The following PTPRG variants were observed in gnomAD, a reference collection of about 807,000 sequenced individuals.
PTPRG encodes the protein protein tyrosine phosphatase receptor type G, also known as receptor-type tyrosine-protein phosphatase gamma.
PTPRG carries 102 observed loss-of-function variants against 165.3 expected under a neutral mutation model. That is an observed-to-expected ratio of 0.62 (90% CI 0.53 to 0.73). PTPRG has a LOEUF of 0.73. PTPRG is among the 30% of genes least tolerant of loss of function. The pLI is 0.00. For missense variants in PTPRG, 1,866 were observed against 1,861.4 expected, an observed-to-expected ratio of 1.00 and a Z score of -0.05; for synonymous variants, 675 against 669.5, an observed-to-expected ratio of 1.01 and a Z score of -0.13.
chr3:61,868,474 A>G (rs566787085), intron 2 of PTPRG, among the ~76,000 whole-genome samples: 115 of 152,264 alleles, frequency 7.6e-4, no homozygotes, highest in Admixed American at 3.4e-3. Context: ...CACTGCGTCC[A>G]ACCTGCCTTG....
intron 15 of PTPRG, among the ~76,000 whole-genome samples, chr3:62,253,819 A>G (rs1263926248): frequency 1.3e-5 from 2 of 152,208 alleles, no homozygotes; most frequent in African/African-American, 4.8e-5. Flanking sequence ...TATTAACATG[A>G]TTAGGACTTT....
At chr3:61,930,374 A>C (rs1367376070) in intron 2 of PTPRG, among the ~76,000 whole-genome samples, 1 of 152,184 alleles carries the variant, frequency 6.6e-6, no homozygotes, top group East Asian at 1.9e-4. Context: ...TCCACGTGGA[A>C]GAATGTCAGT....
At chr3:62,115,684 C>G (rs1020135928) in intron 5 of PTPRG, among the ~76,000 whole-genome samples, 21 of 150,616 alleles carry the variant, frequency 1.4e-4, no homozygotes, top group Non-Finnish European at 3.1e-4. Flanking sequence ...GTCATCCAGG[C>G]TGGAGTACAG....
intron 2 of PTPRG, among the ~76,000 whole-genome samples, chr3:61,955,453 G>T (rs556576278): frequency 3.4e-4 from 51 of 152,180 alleles, no homozygotes; most frequent in East Asian, 2.5e-3. Context: ...ATCTCATTTT[G>T]GACTTAGCGA....
At chr3:61,915,667 T>C (rs1032495322) in intron 2 of PTPRG, among the ~76,000 whole-genome samples, 1 of 151,860 alleles carries the variant, frequency 6.6e-6, no homozygotes, top group African/African-American at 2.4e-5. Flanking sequence ...TTTTTCTTTC[T>C]TTCTTCTTTC....
intron 5 of PTPRG, among the ~76,000 whole-genome samples, chr3:62,103,677 A>G (rs527794484): frequency 9.2e-5 from 14 of 152,318 alleles, no homozygotes; most frequent in South Asian, 4.1e-4. Context: ...CAGCAAGCCC[A>G]GGCCAGGTGG....
chr3:62,153,230 T>C lies in PTPRG; in HGVS notation c.683-3837T>C, dbSNP rs956106176. On this transcript the variant is annotated intron_variant, in intron 6 of 29. Transcript: ENST00000474889. ...CCAAAATGAGCCAGCCTGTACCTCA[T>C]CTGGGCTTGTGGTCAGCCACATGCT... Among the ~76,000 whole-genome samples, 7 of 152,232 alleles carry C rather than the reference T, an allele frequency of 4.6e-5. No individual in the cohort carries two copies. The South Asian group carries it at 1.4e-3, about 31-fold the overall frequency.
intron 1 of PTPRG, among the ~76,000 whole-genome samples, chr3:61,650,141 A>G (rs1575563356): frequency 6.6e-6 from 1 of 152,202 alleles, no homozygotes; most frequent in South Asian, 2.1e-4. Context: ...TTTCCCCTGT[A>G]CAAATGCAGT....
chr3:61,738,861 G>T (rs1236386122), intron 1 of PTPRG, among the ~76,000 whole-genome samples: 2 of 151,816 alleles, frequency 1.3e-5, no homozygotes, highest in East Asian at 3.9e-4. Context: ...GGCAACCTCA[G>T]ACTCCTGGGC....
At chr3:61,590,357 A>T (rs951572192) in intron 1 of PTPRG, among the ~76,000 whole-genome samples, 1 of 152,058 alleles carries the variant, frequency 6.6e-6, no homozygotes, top group Non-Finnish European at 1.5e-5. Flanking sequence ...CCCCGTCTCT[A>T]TTAAAAAATA....
intron 2 of PTPRG, among the ~76,000 whole-genome samples, chr3:61,910,820 C>T (rs2038783815): frequency 6.6e-6 from 1 of 152,224 alleles, no homozygotes; most frequent in Non-Finnish European, 1.5e-5. Flanking sequence ...CAGACGGTCC[C>T]TGCTTTGATT....
At chr3:61,742,603 A>G in intron 1 of PTPRG, 1 of 1,601,390 alleles carries the variant, frequency 6.2e-7, no homozygotes. Flanking sequence ...CACGTGACCA[A>G]CAGCTACAGC....
intron 2 of PTPRG, among the ~76,000 whole-genome samples, chr3:61,921,045 A>T (rs989821183): frequency 6.6e-6 from 1 of 151,868 alleles, no homozygotes; most frequent in African/African-American, 2.4e-5. Context: ...GGGTCTTGTT[A>T]TAATAAAATT....
At chr3:61,840,962 A>G (rs905907522) in intron 2 of PTPRG, among the ~76,000 whole-genome samples, 1 of 151,754 alleles carries the variant, frequency 6.6e-6, no homozygotes, top group Non-Finnish European at 1.5e-5. Flanking sequence ...TTGTATTTTT[A>G]GTAGAGGTGG....
At chr3:62,007,081 A>C (rs1211144648) in intron 4 of PTPRG, among the ~76,000 whole-genome samples, 1 of 152,062 alleles carries the variant, frequency 6.6e-6, no homozygotes, top group Non-Finnish European at 1.5e-5. Flanking sequence ...CTTGAGATGC[A>C]GTCACGACCT....
chr3:62,091,359 A>T (rs991518831), intron 5 of PTPRG, among the ~76,000 whole-genome samples: 4 of 152,218 alleles, frequency 2.6e-5, no homozygotes, highest in African/African-American at 9.7e-5. Flanking sequence ...TGTCTTTCTT[A>T]CTACTTTAAA....
intron 1 of PTPRG, among the ~76,000 whole-genome samples, chr3:61,675,729 A>G (rs1277472079): frequency 2.6e-5 from 4 of 152,208 alleles, no homozygotes; most frequent in Non-Finnish European, 5.9e-5. Flanking sequence ...AGCTGAAACA[A>G]GGTTAGCCCT....
At chr3:61,950,898 T>C (rs2039884093) in intron 2 of PTPRG, among the ~76,000 whole-genome samples, 1 of 152,218 alleles carries the variant, frequency 6.6e-6, no homozygotes, top group African/African-American at 2.4e-5. Flanking sequence ...CTGGAAAAAC[T>C]CATGGGGATT....
chr3:62,072,411 A>G (rs1479375208), intron 4 of PTPRG, among the ~76,000 whole-genome samples: 1 of 152,214 alleles, frequency 6.6e-6, no homozygotes, highest in African/African-American at 2.4e-5. Context: ...TGATCTGGCT[A>G]GAAAAACACC....
Sources: allele counts gnomAD v4.1 joint callset (sites outside exome capture counted in the v4.1 genomes callset), GRCh38; gene constraint gnomAD v4.1.1; transcripts MANE v1.5; gene names NCBI Gene and HGNC (gene_info 2026-07-23, HGNC 2026-07-21).